GRAMD2B: variants seen among roughly 807,000 people sequenced by gnomAD.
The protein encoded by GRAMD2B is GRAM domain containing 2B.
Under a neutral mutation model 59.2 loss-of-function variants are expected in GRAMD2B, and 41 were observed. That is an observed-to-expected ratio of 0.69 (90% CI 0.54 to 0.90). The LOEUF is 0.90. GRAMD2B is among the 40% of genes least tolerant of loss of function. GRAMD2B has a pLI of 0.00. For missense variants in GRAMD2B, 424 were observed against 500.5 expected (o/e 0.85, Z 1.46); for synonymous variants, 161 against 182.7 (o/e 0.88, Z 0.96).
chr5:126,388,577 T>C (rs761233638), intron 1 of GRAMD2B, among the ~76,000 whole-genome samples: 6 of 151,552 alleles, frequency 4.0e-5, no homozygotes, highest in Admixed American at 6.6e-5. Context: ...TCCTGGAAAA[T>C]ATGAATATGA....
intron 1 of GRAMD2B, among the ~76,000 whole-genome samples, chr5:126,403,550 A>G (rs1758005341): frequency 6.6e-6 from 1 of 151,966 alleles, no homozygotes; most frequent in African/African-American, 2.4e-5. Context: ...CTCAGCAGAA[A>G]AGAAAATGAA....
intron 1 of GRAMD2B, among the ~76,000 whole-genome samples, chr5:126,417,680 G>T (rs149114421): frequency 1.2e-4 from 18 of 152,282 alleles, no homozygotes; most frequent in African/African-American, 4.1e-4. Context: ...ACAGATAACT[G>T]CAAAATGCAG....
intron 1 of GRAMD2B, among the ~76,000 whole-genome samples, chr5:126,430,915 G>A (rs1344157904): frequency 2.0e-5 from 3 of 152,044 alleles, no homozygotes; most frequent in African/African-American, 7.2e-5. Flanking sequence ...TTAAAATTTT[G>A]CAACTAATAT....
At chr5:126,367,607 C>A (rs1343996158), upstream of GRAMD2B, among the ~76,000 whole-genome samples, 2 of 152,142 alleles carry the variant, frequency 1.3e-5, no homozygotes, top group East Asian at 3.8e-4. Context: ...GATATAATAA[C>A]CAAAGATTAT....
At chr5:126,437,882 G>C (rs903311046) in intron 1 of GRAMD2B, among the ~76,000 whole-genome samples, 2 of 152,188 alleles carry the variant, frequency 1.3e-5, no homozygotes, top group African/African-American at 4.8e-5. Context: ...GGGTAAGTGG[G>C]AAATGAGGAA....
chr5:126,399,751 C>T (rs968259056), intron 1 of GRAMD2B, among the ~76,000 whole-genome samples: 1 of 152,142 alleles, frequency 6.6e-6, no homozygotes, highest in Non-Finnish European at 1.5e-5. Context: ...TCACTCGAGA[C>T]AGTTTTACAT....
intron 1 of GRAMD2B, chr5:126,465,003 A>G (rs1768034573): frequency 2.1e-6 from 2 of 961,182 alleles, no homozygotes; most frequent in African/African-American, 1.8e-5. Flanking sequence ...GTGACATAAG[A>G]GAAATGCAAA....
chr5:126,367,717 G>A (rs73330492), upstream of GRAMD2B, among the ~76,000 whole-genome samples: 643 of 152,246 alleles, frequency 4.2e-3, 1 homozygote, highest in African/African-American at 0.014. Context: ...TAGGGCTTAA[G>A]CAAAGAAAAC....
chr5:126,447,683 A>AAAG (rs1353476246), intron 1 of GRAMD2B, among the ~76,000 whole-genome samples: 183 of 151,388 alleles, frequency 1.2e-3, no homozygotes, highest in African/African-American at 4.3e-3. Context: ...AAAAAAAAAA[A>AAAG]AAAGAAAGAG....
intron 1 of GRAMD2B, among the ~76,000 whole-genome samples, chr5:126,437,495 A>G (rs1245122325): frequency 1.3e-5 from 2 of 152,190 alleles, no homozygotes; most frequent in Non-Finnish European, 2.9e-5. Context: ...TTGTTGGCCT[A>G]TAGGTAAGAG....
chr5:126,373,690 C>A (rs1028838842), intron 1 of GRAMD2B, among the ~76,000 whole-genome samples: 1 of 152,076 alleles, frequency 6.6e-6, no homozygotes, highest in Admixed American at 6.5e-5. Context: ...TTATAGGAAA[C>A]AAAGCTGAGG....
At chr5:126,466,425 C>T in intron 2 of GRAMD2B, 1 of 702,570 alleles carries the variant, frequency 1.4e-6, no homozygotes. Context: ...TTTGTGGCAT[C>T]TCACCTTTTT....
chr5:126,381,268 T>C (rs1339669433), intron 1 of GRAMD2B, among the ~76,000 whole-genome samples: 1 of 152,156 alleles, frequency 6.6e-6, no homozygotes, highest in Non-Finnish European at 1.5e-5. Flanking sequence ...TCATGGTAAA[T>C]TATCTTTTTG....
intron 9 of GRAMD2B, 56 bp from the exon 10 acceptor site, chr5:126,484,346 C>G: frequency 6.4e-7 from 1 of 1,565,220 alleles, no homozygotes; most frequent in Non-Finnish European, 8.7e-7. Flanking sequence ...GGAGATTAAT[C>G]CTGTTTTTAA....
chr5:126,360,311 A>G (rs957763354), exon 1 of GRAMD2B: 10 of 1,550,660 alleles, frequency 6.4e-6, no homozygotes, highest in Non-Finnish European at 8.7e-6. Flanking sequence ...AGTTTCTTGA[A>G]GATCACCTGG....
intron 1 of GRAMD2B, among the ~76,000 whole-genome samples, chr5:126,441,619 G>T (rs1763305440): frequency 1.3e-5 from 2 of 152,138 alleles, no homozygotes; most frequent in Non-Finnish European, 2.9e-5. Flanking sequence ...TGCCATACAA[G>T]GGAGAACTAT....
intron 1 of GRAMD2B, among the ~76,000 whole-genome samples, chr5:126,447,543 A>G (rs908480246): frequency 6.6e-6 from 1 of 152,058 alleles, no homozygotes; most frequent in African/African-American, 2.4e-5. Context: ...GGGCGCCTGT[A>G]GTCCCAGCTA....
chr5:126,385,352 AC>A, intron 1 of GRAMD2B, among the ~76,000 whole-genome samples: 1 of 152,332 alleles, frequency 6.6e-6, no homozygotes, highest in South Asian at 2.1e-4. Flanking sequence ...AAATTACACA[AC>A]AAAAAGGATA....
Position 126,448,006 on chromosome 5 carries a change from T to C in GRAMD2B, c.84-17420T>C, listed in dbSNP as rs370504827. ...TCCCAAGTAGGTGGGATTACAGGCA[T>C]GCACCACCACATCCAGCTAATTTTT... On this transcript the variant is annotated intron_variant, in intron 1 of 13. Transcript: ENST00000285689. Among the ~76,000 whole-genome samples, 42 of 151,184 alleles carry C rather than the reference T, an allele frequency of 2.8e-4. No individual in the cohort carries two copies. In the South Asian group the frequency reaches 8.6e-3, roughly 31 times the overall value.
Sources: gnomAD v4.1 joint callset for allele counts (sites outside exome capture counted in the v4.1 genomes callset) on GRCh38, gnomAD v4.1.1 for gene constraint, MANE v1.5 for transcripts, NCBI Gene and HGNC (gene_info 2026-07-23, HGNC 2026-07-21) for gene names.